The following PTPRZ1 variants were observed in gnomAD, a reference collection of about 807,000 sequenced individuals.
The protein encoded by PTPRZ1 is receptor-type tyrosine-protein phosphatase zeta.
PTPRZ1 carries 82 observed loss-of-function variants against 214.1 expected under a neutral mutation model. The ratio of observed to expected loss-of-function variants is 0.38; its 90% confidence interval spans 0.32 to 0.46. PTPRZ1 has a LOEUF of 0.46. PTPRZ1 is among the 20% of genes least tolerant of loss of function. The pLI is 1.00. For synonymous variants in PTPRZ1, 945 were observed against 987.9 expected, an observed-to-expected ratio of 0.96 and a Z score of 0.81; for missense variants, 2,603 against 2,748.7, an observed-to-expected ratio of 0.95 and a Z score of 1.19.
chr7:122,014,008 A>G (rs1798771033), intron 12 of PTPRZ1, 119 bp downstream of exon 12: 1 of 808,026 alleles, frequency 1.2e-6, no homozygotes, highest in Non-Finnish European at 1.9e-6. Flanking sequence ...TTTTAAAATC[A>G]AAACATTCAA....
At chr7:121,991,428 A>G (rs1487650468) in intron 8 of PTPRZ1, among the ~76,000 whole-genome samples, 1 of 152,246 alleles carries the variant, frequency 6.6e-6, no homozygotes, top group Non-Finnish European at 1.5e-5. Context: ...AACAAAAACA[A>G]TAAAAGATAA....
At position 122,045,453 on chromosome 7, in the gene PTPRZ1, T is replaced by G. The variant is rs182534218; in HGVS notation, c.6084+885T>G. On this transcript the variant is annotated intron_variant, in intron 23 of 29. Transcript: ENST00000393386. ...CCACCATGAATTCCTTTGGGCCATT[T>G]GCCTTTTAAATTACTGCACGGTGTG... 5.5e-4 allele frequency among the ~76,000 whole-genome samples: 84 copies of G among 152,270 alleles called. 1 individual carries two copies. Among genetic ancestry groups the G allele is most frequent in the African/African-American group, 2.0e-3 (82 of 41,562 alleles).
At chr7:121,976,701 T>A in intron 5 of PTPRZ1, 84 bp from the exon 6 acceptor site, 1 of 1,100,814 alleles carries the variant, frequency 9.1e-7, no homozygotes, top group Non-Finnish European at 1.3e-6. Context: ...ATATTTAAAA[T>A]GGAATTCATT....
At chr7:121,978,829 G>A (rs1206739884) in intron 6 of PTPRZ1, among the ~76,000 whole-genome samples, 1 of 152,088 alleles carries the variant, frequency 6.6e-6, no homozygotes, top group East Asian at 1.9e-4. Flanking sequence ...AACCAAATAA[G>A]TTAAGTCTTT....
chr7:121,901,764 G>C (rs201549854), intron 1 of PTPRZ1, among the ~76,000 whole-genome samples: 1 of 152,140 alleles, frequency 6.6e-6, no homozygotes, highest in Non-Finnish European at 1.5e-5. Context: ...GCTACAATAT[G>C]ATGTTTCAAT....
At chr7:121,953,983 T>A (rs1796634407) in intron 2 of PTPRZ1, among the ~76,000 whole-genome samples, 1 of 152,166 alleles carries the variant, frequency 6.6e-6, no homozygotes, top group South Asian at 2.1e-4. Flanking sequence ...AAGTGATCAT[T>A]CATCCATTCA....
At chr7:122,020,778 C>A (rs1798990915) in intron 13 of PTPRZ1, among the ~76,000 whole-genome samples, 2 of 152,008 alleles carry the variant, frequency 1.3e-5, no homozygotes, top group Non-Finnish European at 2.9e-5. Context: ...AACAAACAAA[C>A]CTGGTTTCTT....
rs770406556 is a variant in PTPRZ1 at position 122,011,544 on chromosome 7, G to A, written c.2498G>A (p.Arg833His). ...GCTTCCTTCAGTAGTGAATTGTTTCGCCATCTGCATACAGTTTCTCAAATC... is the reference window on the plus strand; with the variant it reads ...GCTTCCTTCAGTAGTGAATTGTTTCACCATCTGCATACAGTTTCTCAAATC... ...SSASFSSELF[R>H]HLHTVSQILP... is the part of the protein sequence containing the mutation. Residue 833 changes from arginine to histidine, a missense_variant, in exon 12 of 30, where the codon CGC (arginine) becomes CAC (histidine). Arg to His is a conservative substitution (Grantham distance 29, BLOSUM62 0). Coordinates refer to ENST00000393386, the MANE Select transcript of PTPRZ1 (RefSeq NM_002851.3). 2.6e-5 allele frequency: 42 copies of A among 1,613,648 alleles called. No homozygotes were observed. The highest frequency in any genetic ancestry group is 2.1e-4 in the African/African-American group (16 of 74,798).
In PTPRZ1 at chr7:122,008,071, T is replaced by TGTAATAAGAAGTCTTTCCTCTA. The variant is rs573352809; in HGVS notation, c.1288-2252_1288-2251insTCTTTCCTCTAGTAATAAGAAG. 8.0e-4 allele frequency among the ~76,000 whole-genome samples: 122 copies of TGTAATAAGAAGTCTTTCCTCTA among 152,238 alleles called. 5 individuals carry two copies. The South Asian group carries it at 0.025, about 31-fold the overall frequency. On this transcript the variant is annotated intron_variant, in intron 11 of 29. Transcript: ENST00000393386. Reference sequence around the variant, plus strand: ...TGTGTGCATAGTTTTTTCCCAACTATGTAATAAGAAGAGGTGTGTAGCATT... The same window carrying TGTAATAAGAAGTCTTTCCTCTA: ...TGTGTGCATAGTTTTTTCCCAACTATGTAATAAGAAGTCTTTCCTCTAGTAATAAGAAGAGGTGTGTAGCATT...
At chr7:121,907,532 A>T (rs573428805) in intron 1 of PTPRZ1, among the ~76,000 whole-genome samples, 46 of 152,168 alleles carry the variant, frequency 3.0e-4, no homozygotes, top group African/African-American at 1.1e-3. Context: ...GTATCCATCT[A>T]AATTTTCATA....
rs552824457 is a variant in PTPRZ1 at position 121,980,744 on chromosome 7, T to C, written c.620-2921T>C. On this transcript the variant is annotated intron_variant, in intron 6 of 29. Transcript: ENST00000393386. ...TAACTTTTAAATAACTTATTTTTCT[T>C]TGAGGCTTTCTGAGTATGTTCAGTC... 2.0e-5 allele frequency among the ~76,000 whole-genome samples: 3 copies of C among 152,390 alleles called. No individual in the cohort carries two copies. In the South Asian group the frequency reaches 6.2e-4, roughly 32 times the overall value.
At chr7:121,924,335 T>A (rs1471167285) in intron 1 of PTPRZ1, among the ~76,000 whole-genome samples, 1 of 152,160 alleles carries the variant, frequency 6.6e-6, no homozygotes, top group East Asian at 1.9e-4. Context: ...TGAACCCAGC[T>A]TCTTTTTTTC....
At chr7:121,904,680 A>T (rs1236544224) in intron 1 of PTPRZ1, among the ~76,000 whole-genome samples, 2 of 152,188 alleles carry the variant, frequency 1.3e-5, no homozygotes, top group Non-Finnish European at 2.9e-5. Flanking sequence ...GGTCTTATTT[A>T]GTAAGATTTG....
intron 11 of PTPRZ1, among the ~76,000 whole-genome samples, chr7:122,008,877 A>G (rs1798566020): frequency 6.6e-6 from 1 of 152,100 alleles, no homozygotes; most frequent in Admixed American, 6.6e-5. Flanking sequence ...GCACCAACCA[A>G]TTTTCCCTAA....
At chr7:121,898,431 C>T (rs1584615591) in intron 1 of PTPRZ1, among the ~76,000 whole-genome samples, 1 of 152,112 alleles carries the variant, frequency 6.6e-6, no homozygotes, top group African/African-American at 2.4e-5. Context: ...CTTTTATCTG[C>T]TGTTTTGAAT....
At chr7:121,881,161 G>T (rs1396186260) in intron 1 of PTPRZ1, among the ~76,000 whole-genome samples, 2 of 152,106 alleles carry the variant, frequency 1.3e-5, no homozygotes, top group Non-Finnish European at 2.9e-5. Context: ...AAGAGAAAAA[G>T]ACCAGAATCC....
At chr7:121,974,459 GTC>G (rs1218612155) in intron 4 of PTPRZ1, among the ~76,000 whole-genome samples, 1 of 152,060 alleles carries the variant, frequency 6.6e-6, no homozygotes, top group Non-Finnish European at 1.5e-5. Context: ...CTCTCAAATT[GTC>G]TCTCAGTGGT....
At chr7:121,892,701 T>TAC (rs1794676410) in intron 1 of PTPRZ1, among the ~76,000 whole-genome samples, 1 of 135,872 alleles carries the variant, frequency 7.4e-6, no homozygotes, top group Non-Finnish European at 1.6e-5. Context: ...TATATATATA[T>TAC]ATATATATAT....
intron 2 of PTPRZ1, among the ~76,000 whole-genome samples, chr7:121,945,016 G>A (rs959573528): frequency 1.3e-5 from 2 of 152,126 alleles, no homozygotes; most frequent in African/African-American, 2.4e-5. Context: ...ATGTTTGAAA[G>A]TTTTAATAGT....
Sources: gnomAD v4.1 joint callset for allele counts (sites outside exome capture counted in the v4.1 genomes callset) on GRCh38, gnomAD v4.1.1 for gene constraint, MANE v1.5 for transcripts, NCBI Gene and HGNC (gene_info 2026-07-23, HGNC 2026-07-21) for gene names.